Variants in CCDC170 observed in about 807,000 individuals in gnomAD.
CCDC170 encodes coiled-coil domain-containing protein 170.
Under a neutral mutation model 72.6 loss-of-function variants are expected in CCDC170, and 69 were observed. That is an observed-to-expected ratio of 0.95 (90% confidence interval 0.78 to 1.16). The LOEUF (loss-of-function observed/expected upper bound fraction) is 1.16, where lower values mean the gene tolerates loss of function less well. CCDC170 is among the 50% of genes most tolerant of loss of function. The pLI is 0.00. For synonymous variants in CCDC170, 300 were observed against 303.9 expected, an observed-to-expected ratio of 0.99 and a Z score of 0.13; for missense variants, 852 against 832.5, an observed-to-expected ratio of 1.02 and a Z score of -0.29.
intron 1 of CCDC170, among the ~76,000 whole-genome samples, chr6:151,507,442 ATC>A (rs1284030326): frequency 6.6e-6 from 1 of 152,196 alleles, no homozygotes; most frequent in East Asian, 1.9e-4. Context: ...GTTCAGGAGC[ATC>A]TGTGTTTTGA....
intron 9 of CCDC170, among the ~76,000 whole-genome samples, chr6:151,603,159 A>G (rs1211774288): frequency 1.3e-5 from 2 of 152,204 alleles, no homozygotes; most frequent in Non-Finnish European, 2.9e-5. Context: ...TACATCCATT[A>G]ATAAGAATGT....
At chr6:151,581,887 T>C (rs1031718898) in intron 6 of CCDC170, among the ~76,000 whole-genome samples, 6 of 152,182 alleles carry the variant, frequency 3.9e-5, no homozygotes, top group African/African-American at 7.2e-5. Flanking sequence ...AAAGGAATCT[T>C]TTACTGAGCC....
intron 5 of CCDC170, among the ~76,000 whole-genome samples, chr6:151,567,944 C>G (rs1776162053): frequency 6.7e-6 from 1 of 149,824 alleles, no homozygotes; most frequent in African/African-American, 2.5e-5. Flanking sequence ...AACCCTATCT[C>G]TACTAAAAAT....
At chr6:151,539,060 G>A (rs1235836555) in intron 3 of CCDC170, among the ~76,000 whole-genome samples, 1 of 152,032 alleles carries the variant, frequency 6.6e-6, no homozygotes, top group Non-Finnish European at 1.5e-5. Flanking sequence ...TCAGGAGTTT[G>A]AGACCAGCCT....
intron 5 of CCDC170, among the ~76,000 whole-genome samples, chr6:151,565,039 G>A (rs1000841276): frequency 6.6e-6 from 1 of 152,206 alleles, no homozygotes; most frequent in Admixed American, 6.5e-5. Flanking sequence ...ATGCGTTGGG[G>A]AGCCTGTCCT....
intron 5 of CCDC170, among the ~76,000 whole-genome samples, chr6:151,550,389 A>T (rs1782859392): frequency 6.6e-6 from 1 of 152,174 alleles, no homozygotes; most frequent in South Asian, 2.1e-4. Context: ...CAGGAGAAGG[A>T]GTTGCCTTTT....
rs1325488698 is a variant in CCDC170, at chr6:151,553,750, G to A, written c.774+5261G>A. On this transcript the variant is annotated intron_variant, in intron 5 of 10. Coordinates refer to ENST00000239374, the MANE Select transcript of CCDC170 (RefSeq NM_025059.4). ...AAATTGTAAAAAAAAAAATTATATGGGCAATAAAAAAACTTGAGGTCTTTA... is the reference window on the plus strand; with the variant it reads ...AAATTGTAAAAAAAAAAATTATATGAGCAATAAAAAAACTTGAGGTCTTTA... 2.0e-5 allele frequency among the ~76,000 whole-genome samples: 3 copies of A among 151,818 alleles called. No homozygotes were observed. The East Asian group carries it at 5.8e-4, about 29-fold the overall frequency.
intron 9 of CCDC170, among the ~76,000 whole-genome samples, chr6:151,611,426 G>A (rs1776869035): frequency 6.6e-6 from 1 of 152,214 alleles, no homozygotes; most frequent in Admixed American, 6.5e-5. Flanking sequence ...GATGTCTGGT[G>A]AGAGCATGCT....
intron 3 of CCDC170, 78 bp downstream of exon 3, chr6:151,538,379 A>G: frequency 1.5e-6 from 2 of 1,376,510 alleles, no homozygotes; most frequent in South Asian, 2.7e-5. Context: ...TGTCTTTGAA[A>G]GTACTGGCAT....
In CCDC170 at chr6:151,509,294, G is replaced by A. The variant is rs532996673; in HGVS notation, c.57+15109G>A. Among the ~76,000 whole-genome samples, 9 of 151,050 alleles carry A rather than the reference G, an allele frequency of 6.0e-5. No homozygotes were observed. In the South Asian group the frequency reaches 1.3e-3, roughly 21 times the overall value. On this transcript the variant is annotated intron_variant, in intron 1 of 10. Coordinates refer to ENST00000239374, the MANE Select transcript of CCDC170 (RefSeq NM_025059.4). ...AATGATGAATAAAGTGTCTCATCTC[G>A]TTGTCAACAGGGACTTCTCATTCCA...
intron 9 of CCDC170, among the ~76,000 whole-genome samples, chr6:151,613,467 A>G (rs1211955900): frequency 1.3e-5 from 2 of 152,220 alleles, no homozygotes; most frequent in Non-Finnish European, 2.9e-5. Flanking sequence ...CACCACTATC[A>G]TATTTCAAAA....
intron 1 of CCDC170, among the ~76,000 whole-genome samples, chr6:151,529,654 T>TCAAAAA (rs367967488): frequency 1.6e-4 from 24 of 152,192 alleles, no homozygotes; most frequent in East Asian, 3.9e-4. Context: ...AGGCTCTGTC[T>TCAAAAA]CAAAAACAAA....
chr6:151,600,442 C>T (rs1391758507), intron 9 of CCDC170, among the ~76,000 whole-genome samples: 15 of 152,214 alleles, frequency 9.9e-5, no homozygotes, highest in East Asian at 7.7e-4. Context: ...CTCCCCTTCA[C>T]GTGACCTCCC....
intron 8 of CCDC170, 28 bp downstream of exon 8, chr6:151,593,308 T>C: frequency 6.3e-7 from 1 of 1,596,622 alleles, no homozygotes; most frequent in Non-Finnish European, 8.6e-7. Context: ...TTGCTAGTAT[T>C]GAGAGAAGAA....
At chr6:151,573,069 C>T (rs536815272) in intron 5 of CCDC170, 105 bp from the exon 6 acceptor site, 178 of 1,000,734 alleles carry the variant, frequency 1.8e-4, no homozygotes, top group Admixed American at 1.0e-3. Flanking sequence ...TAACCCAACC[C>T]CTTGTAGTCA....
intron 1 of CCDC170, among the ~76,000 whole-genome samples, chr6:151,496,339 C>T (rs190885084): frequency 1.2e-3 from 171 of 148,338 alleles, no homozygotes; most frequent in East Asian, 1.5e-3. Context: ...AATATTGATT[C>T]GGATAGAAAT....
Position 151,573,502 on chromosome 6 carries a change from C to A in CCDC170, c.1092+11C>A. 1 of 1,608,820 alleles carries A rather than the reference C, an allele frequency of 6.2e-7. No individual in the cohort carries two copies. The highest frequency in any genetic ancestry group is 1.1e-5 in the South Asian group (1 of 90,268). ...GAAAGCAGGGACCGGGTGAGTGGGT[C>A]ATGGCTGTTTACAGACATCTTAAGA... On this transcript the variant is annotated intron_variant, in intron 6 of 10. Coordinates refer to ENST00000239374, the MANE Select transcript of CCDC170 (RefSeq NM_025059.4).
intron 6 of CCDC170, among the ~76,000 whole-genome samples, chr6:151,584,885 C>G (rs1009633698): frequency 4.7e-4 from 71 of 152,100 alleles, no homozygotes; most frequent in African/African-American, 1.7e-3. Context: ...AAAATTTAGA[C>G]AGTAAAAATC....
At chr6:151,513,919 C>CAAAAAAAA (rs58387477) in intron 1 of CCDC170, among the ~76,000 whole-genome samples, 16 of 51,010 alleles carry the variant, frequency 3.1e-4, no homozygotes, top group East Asian at 1.0e-3. Flanking sequence ...GACCCTGTCT[C>CAAAAAAAA]AAAAAAAAAA....
Sources: allele counts gnomAD v4.1 joint callset (sites outside exome capture counted in the v4.1 genomes callset), GRCh38; gene constraint gnomAD v4.1.1; transcripts MANE v1.5; gene names NCBI Gene and HGNC (gene_info 2026-07-23, HGNC 2026-07-21).